The following PAX9 variants were observed in gnomAD, a reference collection of about 807,000 sequenced individuals.
The protein encoded by PAX9 is paired box 9, also known as paired box protein Pax-9.
A neutral mutation model predicts 29.1 loss-of-function variants in PAX9; 6 were observed. The ratio of observed to expected loss-of-function variants is 0.21; its 90% confidence interval spans 0.11 to 0.41. The LOEUF (loss-of-function observed/expected upper bound fraction) is 0.41. PAX9 is among the 10% of genes least tolerant of loss of function. The pLI is 1.00. For synonymous variants in PAX9, 217 were observed against 211.7 expected (o/e 1.03, Z -0.22); for missense variants, 443 against 479.1 (o/e 0.92, Z 0.70).
At chr14:36,660,328 C>T (rs1417184205), upstream of PAX9, among the ~76,000 whole-genome samples, 3 of 152,218 alleles carry the variant, frequency 2.0e-5, no homozygotes. Context: ...AGATTTTAAA[C>T]ATTTGAAACC....
At position 36,676,638 on chromosome 14, in the gene PAX9, C is replaced by A; in HGVS notation, c.*186C>A. On this transcript the variant is annotated 3_prime_UTR_variant, in exon 4 of 4. Transcript: ENST00000361487. ...ATTTCTTGCCATAACTTTTCTCTTG[C>A]AGAAAAACTGACATGACTTTAGGAT... is the stretch of plus-strand genomic sequence containing the variant. 1.5e-6 allele frequency: 1 copy of A among 677,754 alleles called. No individual in the cohort carries two copies. The highest frequency in any genetic ancestry group is 2.4e-5 in the Admixed American group (1 of 41,286). The allele number at this position is 677,754 out of a possible 1,614,324, so 42.0% of individuals were successfully genotyped here.
intron 3 of PAX9, among the ~76,000 whole-genome samples, chr14:36,670,021 C>CA (rs574681289): frequency 6.6e-6 from 1 of 151,802 alleles, no homozygotes. Context: ...ATTGAGTGGC[C>CA]AAAAAACCTT....
At chr14:36,670,703 A>T (rs1317080368) in intron 3 of PAX9, among the ~76,000 whole-genome samples, 3 of 152,084 alleles carry the variant, frequency 2.0e-5, no homozygotes, top group African/African-American at 7.2e-5. Context: ...TAGTATTTCA[A>T]AATAAAATTA....
chr14:36,661,997 C>G lies in PAX9; in HGVS notation c.-93C>G. 1 of 1,515,688 alleles carries G rather than the reference C, an allele frequency of 6.6e-7. No homozygotes were observed. Among genetic ancestry groups the G allele is most frequent in the Non-Finnish European group, 9.0e-7 (1 of 1,115,800 alleles). The allele number at this position is 1,515,688 out of a possible 1,614,324, so 93.9% of individuals were successfully genotyped here. A position where few individuals can be genotyped will look rare whatever the true frequency, so the allele number is the denominator to read the frequency against. ...AGAAGCGGAGGCGCCGGCGGTCGGC[C>G]GGGATAGCAACAGGCCGGGCCACTG... On this transcript the variant is annotated 5_prime_UTR_variant, in exon 1 of 4. Transcript: ENST00000361487.
At chr14:36,675,511 G>A (rs1388429476) in intron 3 of PAX9, among the ~76,000 whole-genome samples, 1 of 152,182 alleles carries the variant, frequency 6.6e-6, no homozygotes, top group East Asian at 1.9e-4. Flanking sequence ...TCAAAACCAG[G>A]CATATGCAGT....
In PAX9 at chr14:36,675,659, T is replaced by C. The variant is rs1228039460; in HGVS notation, c.772-539T>C. ...CTTTGTCCAACGGGCATTTTCAATATGATCTCTTAAAATATGGTCTATATT... is the reference window on the plus strand; with the variant it reads ...CTTTGTCCAACGGGCATTTTCAATACGATCTCTTAAAATATGGTCTATATT... On this transcript the variant is annotated intron_variant, in intron 3 of 3. Transcript: ENST00000361487. Among the ~76,000 whole-genome samples the C allele has an allele frequency of 2.6e-5, 4 of 152,356 alleles. No homozygotes were observed. In the East Asian group the frequency reaches 7.7e-4, roughly 29 times the overall value.
intron 3 of PAX9, among the ~76,000 whole-genome samples, chr14:36,668,889 A>T (rs932581172): frequency 6.6e-6 from 1 of 152,130 alleles, no homozygotes; most frequent in Admixed American, 6.5e-5. Flanking sequence ...TATCACATTT[A>T]TAAAAGAATA....
In PAX9 at chr14:36,678,337, A is replaced by G; in HGVS notation, c.*1885A>G. ...TATCTTATAGAGAGCTTTGAACTGC[A>G]TTTATTTCTAAAGCAACCGAAATTC... is the stretch of plus-strand genomic sequence containing the variant. On this transcript the variant is annotated 3_prime_UTR_variant, in exon 4 of 4. Transcript: ENST00000361487. 2 of 705,600 alleles carry G rather than the reference A, an allele frequency of 2.8e-6. No individual in the cohort carries two copies. The highest frequency in any genetic ancestry group is 4.8e-6 in the Non-Finnish European group (2 of 417,436). 43.7% of individuals were successfully genotyped at this position (705,600 alleles called of 1,614,324 possible).
At position 36,676,235 on chromosome 14, in the gene PAX9, C is replaced by T; in HGVS notation, c.809C>T (p.Ser270Leu). ...CTCCCAGCTGTGGGCAGTTTTGTGT[C>T]AGCATCCAGCATGGCTCCTTACCCT... The part of the protein sequence containing the change: ...NGLPAVGSFV[S>L]ASSMAPYPTP... The change falls in exon 4 of 4, where the codon TCA becomes TTA. Residue 270 changes from serine to leucine, a missense_variant. Coordinates refer to ENST00000361487, the MANE Select transcript of PAX9 (RefSeq NM_001372076.1). The T allele has an allele frequency of 6.2e-7, 1 of 1,614,170 alleles. No homozygotes were observed. The highest frequency in any genetic ancestry group is 1.1e-5 in the South Asian group (1 of 91,080).
In PAX9 at chr14:36,676,819, A is replaced by G; in HGVS notation, c.*367A>G. Reference sequence around the variant, plus strand: ...ACATGTGTATATTTATTCTAAATCAACCTGAACTTTTGAAATGTGCAATTG... The same window carrying G: ...ACATGTGTATATTTATTCTAAATCAGCCTGAACTTTTGAAATGTGCAATTG... On this transcript the variant is annotated 3_prime_UTR_variant, in exon 4 of 4. Coordinates refer to ENST00000361487, the MANE Select transcript of PAX9 (RefSeq NM_001372076.1). The G allele has an allele frequency of 3.8e-6, 1 of 265,540 alleles. No individual in the cohort carries two copies. 16.4% of individuals were successfully genotyped at this position (265,540 alleles called of 1,614,324 possible).
Position 36,676,528 on chromosome 14 carries a change from C to T in PAX9, c.*76C>T. ...CTCCTCCCCCAATTCCCAGGTCTCACATCCCACCCCTCCTGCCCTCCAACC... is the reference window on the plus strand; with the variant it reads ...CTCCTCCCCCAATTCCCAGGTCTCATATCCCACCCCTCCTGCCCTCCAACC... On this transcript the variant is annotated 3_prime_UTR_variant, in exon 4 of 4. Coordinates refer to ENST00000361487, the MANE Select transcript of PAX9 (RefSeq NM_001372076.1). 1 of 1,535,194 alleles carries T rather than the reference C, an allele frequency of 6.5e-7. No homozygotes were observed. Among genetic ancestry groups the T allele is most frequent in the South Asian group, 1.1e-5 (1 of 87,942 alleles).
intron 2 of PAX9, 116 bp from the exon 3 acceptor site, chr14:36,666,346 G>C (rs1367207680): frequency 7.1e-7 from 1 of 1,399,762 alleles, no homozygotes; most frequent in South Asian, 1.4e-5. Flanking sequence ...GCCAAGGGCA[G>C]GGAGCCGACC....
chr14:36,672,081 G>C (rs1177759320), intron 3 of PAX9: 2 of 152,150 alleles, frequency 1.3e-5, no homozygotes, highest in Non-Finnish European at 2.9e-5. Flanking sequence ...GGAGTTGATG[G>C]ATTGAAGTCT....
chr14:36,662,789 G>T, intron 1 of PAX9, 108 bp from the exon 2 acceptor site: 1 of 1,370,398 alleles, frequency 7.3e-7, no homozygotes, highest in Non-Finnish European at 1.0e-6. Flanking sequence ...TAGTTAGTAG[G>T]GGACGGGTGC....
chr14:36,661,863 C>T lies in PAX9; in HGVS notation c.-227C>T, dbSNP rs1881280896. 3.2e-6 allele frequency: 2 copies of T among 630,146 alleles called. No individual in the cohort carries two copies. The highest frequency in any genetic ancestry group is 2.5e-5 in the Admixed American group (1 of 40,408). The allele number at this position is 630,146 out of a possible 1,614,324, so 39.0% of individuals were successfully genotyped here. A position where few individuals can be genotyped will look rare whatever the true frequency, so the allele number is the denominator to read the frequency against. ...ACGGAGCCGCCCTGCCCTGCTCAGCCCAGCCCACGTTGCTGCTTAGATTGA... is the reference window on the plus strand; with the variant it reads ...ACGGAGCCGCCCTGCCCTGCTCAGCTCAGCCCACGTTGCTGCTTAGATTGA... On this transcript the variant is annotated 5_prime_UTR_variant, in exon 1 of 4. Coordinates refer to ENST00000361487, the MANE Select transcript of PAX9 (RefSeq NM_001372076.1).
chr14:36,661,481 A>C (rs1881262757), upstream of PAX9, among the ~76,000 whole-genome samples: 2 of 152,182 alleles, frequency 1.3e-5, no homozygotes, highest in South Asian at 4.1e-4. Flanking sequence ...ACCCCTGTGC[A>C]CGGTGGCGCC....
chr14:36,661,707 G>C, upstream of PAX9: 1 of 347,636 alleles, frequency 2.9e-6, no homozygotes, highest in Non-Finnish European at 5.2e-6. Flanking sequence ...TCACCCAGGT[G>C]GGGAGCTAGC....
At chr14:36,670,021 CA>C (rs574681289) in intron 3 of PAX9, among the ~76,000 whole-genome samples, 55 of 151,920 alleles carry the variant, frequency 3.6e-4, no homozygotes, top group East Asian at 3.5e-3. Context: ...ATTGAGTGGC[CA>C]AAAAACCTTA....
Position 36,663,232 on chromosome 14 carries a change from A to C in PAX9, c.340A>C (p.Lys114Gln), listed in dbSNP as rs104894467. Residue 114 changes from lysine (K) to glutamine (Q), a missense_variant, in exon 2 of 4, where the codon AAG (lysine) becomes CAG (glutamine). Around this residue, in one of 2 missense-constraint regions of PAX9, gnomAD observed 336 missense variants for 317.2 expected, o/e 1.06. Transcript: ENST00000361487. The stretch of plus-strand genomic sequence containing the variant: ...CCTGCTGGCGGACGGCGTGTGCGAC[A>C]AGTACAATGTGCCCTCCGTGAGCTC... Reference protein sequence around the residue: ...DRLLADGVCDKYNVPSVSSIS... With the variant: ...DRLLADGVCDQYNVPSVSSIS... 2.5e-6 allele frequency: 4 copies of C among 1,613,982 alleles called. No individual in the cohort carries two copies. The East Asian group carries it at 6.7e-5, about 27-fold the overall frequency.
Sources: gnomAD v4.1 joint callset for allele counts (sites outside exome capture counted in the v4.1 genomes callset) on GRCh38, gnomAD v4.1.1 for gene constraint, gnomAD v4.1.1 regional missense constraint, MANE v1.5 for transcripts, NCBI Gene and HGNC (gene_info 2026-07-23, HGNC 2026-07-21) for gene names.